The following LRP1B variants were observed in gnomAD, a reference collection of about 807,000 sequenced individuals.
LRP1B encodes the protein LDL receptor related protein 1B.
Under a neutral mutation model 556.6 loss-of-function variants are expected in LRP1B, and 217 were observed. The ratio of observed to expected loss-of-function variants is 0.39; its 90% CI spans 0.35 to 0.44. LRP1B has a LOEUF of 0.44. Ranked by LOEUF, LRP1B falls within the 20% of genes least tolerant of loss-of-function variation. LRP1B has a pLI of 1.00. For missense variants in LRP1B, 5,053 were observed against 5,620.8 expected (o/e 0.90, Z 3.23); for synonymous variants, 2,047 against 1,865.8 (o/e 1.10, Z -2.50).
At chr2:141,052,573 T>C (rs559268878) in intron 10 of LRP1B, among the ~76,000 whole-genome samples, 2 of 152,202 alleles carry the variant, frequency 1.3e-5, no homozygotes, top group East Asian at 3.9e-4. Context: ...TAGGATAACT[T>C]GTGAAATGAT....
chr2:141,223,235 A>G (rs1459859348), intron 6 of LRP1B, among the ~76,000 whole-genome samples: 1 of 152,058 alleles, frequency 6.6e-6, no homozygotes, highest in Admixed American at 6.6e-5. Flanking sequence ...TTTCCTATAC[A>G]CCAACAATAT....
chr2:141,703,712 T>C (rs935592259), intron 2 of LRP1B, among the ~76,000 whole-genome samples: 1 of 151,920 alleles, frequency 6.6e-6, no homozygotes, highest in Non-Finnish European at 1.5e-5. Context: ...AAATCACACA[T>C]CCTGAGTTTA....
At chr2:141,674,122 T>C (rs1690783396) in intron 2 of LRP1B, among the ~76,000 whole-genome samples, 1 of 152,062 alleles carries the variant, frequency 6.6e-6, no homozygotes, top group Non-Finnish European at 1.5e-5. Flanking sequence ...TACCTAATCA[T>C]ATTCCATAAT....
In LRP1B at chr2:142,130,956, A is replaced by G; in HGVS notation, c.-227T>C. The G allele has an allele frequency of 1.7e-6, 1 of 581,266 alleles. No homozygotes were observed. The allele number at this position is 581,266 out of a possible 1,614,324, so 36.0% of individuals were successfully genotyped here. On this transcript the variant is annotated 5_prime_UTR_variant, in exon 1 of 91. Coordinates refer to ENST00000389484, the MANE Select transcript of LRP1B (RefSeq NM_018557.3). ...CGCGCGTGCGGGAGAGAGGAGGCAGAGCGTGTGTGAGCGCGAGCGAGACGC... is the reference window on the plus strand; with the variant it reads ...CGCGCGTGCGGGAGAGAGGAGGCAGGGCGTGTGTGAGCGCGAGCGAGACGC...
At chr2:141,939,750 T>C (rs1457794977) in intron 1 of LRP1B, among the ~76,000 whole-genome samples, 3 of 152,094 alleles carry the variant, frequency 2.0e-5, no homozygotes, top group Non-Finnish European at 4.4e-5. Flanking sequence ...TTCATCGATG[T>C]CATGTTAATA....
chr2:141,908,243 G>A (rs982664217), intron 1 of LRP1B, among the ~76,000 whole-genome samples: 17 of 151,984 alleles, frequency 1.1e-4, no homozygotes, highest in African/African-American at 2.9e-4. Flanking sequence ...GCCTTCTCGT[G>A]TTCTTAAATG....
At chr2:141,898,749 A>G (rs1699530979) in intron 1 of LRP1B, among the ~76,000 whole-genome samples, 2 of 152,166 alleles carry the variant, frequency 1.3e-5, no homozygotes, top group Admixed American at 1.3e-4. Context: ...AGCAAGTGTT[A>G]CATCCTTATT....
chr2:142,002,341 CT>C, intron 1 of LRP1B, among the ~76,000 whole-genome samples: 1 of 151,994 alleles, frequency 6.6e-6, no homozygotes, highest in Non-Finnish European at 1.5e-5. Context: ...CAGATGGCCT[CT>C]TTTCTCTAAA....
intron 41 of LRP1B, among the ~76,000 whole-genome samples, chr2:140,673,582 T>C (rs561324265): frequency 6.6e-6 from 1 of 152,340 alleles, no homozygotes; most frequent in East Asian, 1.9e-4. Flanking sequence ...AGGCTTTTTC[T>C]ATTATTGTCC....
At chr2:140,536,785 T>C (rs541750742) in intron 45 of LRP1B, 76 bp from the exon 46 acceptor site, 2 of 1,059,966 alleles carry the variant, frequency 1.9e-6, no homozygotes, top group Non-Finnish European at 2.7e-6. Context: ...ATTATTTTTC[T>C]TAATTTTAAT....
At chr2:141,728,903 T>C (rs563853295) in intron 2 of LRP1B, among the ~76,000 whole-genome samples, 1 of 152,182 alleles carries the variant, frequency 6.6e-6, no homozygotes, top group Non-Finnish European at 1.5e-5. Flanking sequence ...AAATCAGTTC[T>C]CTTCCTGTCT....
chr2:140,820,053 G>A (rs1015978241), intron 31 of LRP1B, among the ~76,000 whole-genome samples: 3 of 152,122 alleles, frequency 2.0e-5, no homozygotes, highest in Non-Finnish European at 2.9e-5. Flanking sequence ...AGGCTGGAGT[G>A]CAGTGGCATG....
intron 5 of LRP1B, among the ~76,000 whole-genome samples, chr2:141,236,889 C>CGTTTT: frequency 6.6e-6 from 1 of 152,212 alleles, no homozygotes; most frequent in East Asian, 1.9e-4. Flanking sequence ...CCTAAGAAAA[C>CGTTTT]CTCTTCTATG....
At chr2:141,281,299 T>A (rs1377055251) in intron 3 of LRP1B, among the ~76,000 whole-genome samples, 1 of 151,966 alleles carries the variant, frequency 6.6e-6, no homozygotes, top group Non-Finnish European at 1.5e-5. Context: ...TGAAAAAGAC[T>A]GTGACAAAAA....
At chr2:140,539,419 T>C (rs1466426751) in intron 45 of LRP1B, among the ~76,000 whole-genome samples, 2 of 152,124 alleles carry the variant, frequency 1.3e-5, no homozygotes, top group Non-Finnish European at 2.9e-5. Flanking sequence ...CTACAACAGA[T>C]TGTGAGCTCT....
At chr2:141,113,023 C>T (rs1700793795) in intron 7 of LRP1B, among the ~76,000 whole-genome samples, 1 of 152,084 alleles carries the variant, frequency 6.6e-6, no homozygotes, top group Non-Finnish European at 1.5e-5. Flanking sequence ...AAATTCTTTA[C>T]AAATTTGTAC....
At chr2:140,501,956 C>A (rs1391639629) in intron 54 of LRP1B, 82 bp from the exon 55 acceptor site, 2 of 947,312 alleles carry the variant, frequency 2.1e-6, no homozygotes, top group East Asian at 2.7e-5. Context: ...TCACAAATAT[C>A]ATTAACTCAG....
intron 72 of LRP1B, among the ~76,000 whole-genome samples, chr2:140,360,188 A>G (rs1682441408): frequency 6.6e-6 from 1 of 151,586 alleles, no homozygotes; most frequent in Non-Finnish European, 1.5e-5. Context: ...TGAATGGCCT[A>G]ATAGACTTGT....
At chr2:141,959,172 T>C (rs980790379) in intron 1 of LRP1B, among the ~76,000 whole-genome samples, 1 of 152,010 alleles carries the variant, frequency 6.6e-6, no homozygotes, top group Non-Finnish European at 1.5e-5. Context: ...ACTGAAAACA[T>C]AGCTCTTGTT....
Sources: allele counts gnomAD v4.1 joint callset (sites outside exome capture counted in the v4.1 genomes callset), GRCh38; gene constraint gnomAD v4.1.1; transcripts MANE v1.5; gene names NCBI Gene and HGNC (gene_info 2026-07-23, HGNC 2026-07-21).